Variants in DNAAF19 observed in about 807,000 individuals in gnomAD.
DNAAF19 encodes coiled-coil domain containing 103.
At chr17:44,903,000 T>C in the DNAAF19 span, 1 of 1,428,442 alleles carries the variant, frequency 7.0e-7, no homozygotes, top group Non-Finnish European at 9.1e-7. Context: ...TGTCTCGCTG[T>C]TTTGAACTGT....
the DNAAF19 span, chr17:44,904,621 C>A: frequency 3.2e-6 from 5 of 1,550,572 alleles, no homozygotes; most frequent in Non-Finnish European, 4.4e-6. Flanking sequence ...CCAAAGTGGG[C>A]AGCCGGCCCT....
At chr17:44,901,282 G>A in the DNAAF19 span, 1 of 1,079,974 alleles carries the variant, frequency 9.3e-7, no homozygotes, top group Non-Finnish European at 1.3e-6. Context: ...ACTTCTCTGA[G>A]TCTCAATTAT....
chr17:44,905,083 A>T, the DNAAF19 span: 2 of 1,512,636 alleles, frequency 1.3e-6, no homozygotes, highest in Non-Finnish European at 1.8e-6. Flanking sequence ...AGCTCTCTTC[A>T]GCTCTGAAGA....
chr17:44,904,146 G>C, the DNAAF19 span: 1 of 1,550,332 alleles, frequency 6.5e-7, no homozygotes, highest in Non-Finnish European at 8.7e-7. Flanking sequence ...TTCAGCATCC[G>C]CATGTTCAGC....
At chr17:44,903,543 G>A in the DNAAF19 span, 1 of 1,349,678 alleles carries the variant, frequency 7.4e-7, no homozygotes, top group Non-Finnish European at 9.5e-7. Context: ...ACCCATTCTT[G>A]GGTGAGCGCC....
At chr17:44,904,739 C>G in the DNAAF19 span, 58 of 1,550,442 alleles carry the variant, frequency 3.7e-5, no homozygotes, top group East Asian at 1.4e-3. Context: ...GGACAAAGAC[C>G]GCCAGCACCT....
chr17:44,902,179 G>A, the DNAAF19 span: 2 of 748,738 alleles, frequency 2.7e-6, no homozygotes, highest in African/African-American at 1.7e-5. Flanking sequence ...ATTCCTTGGG[G>A]CCCTCCCTGT....
chr17:44,900,551 A>G, the DNAAF19 span, among the ~76,000 whole-genome samples: 1 of 152,086 alleles, frequency 6.6e-6, no homozygotes, highest in Admixed American at 6.5e-5. Context: ...TGAAGAATGA[A>G]ACTTTATCCC....
At chr17:44,900,430 A>AT in the DNAAF19 span, among the ~76,000 whole-genome samples, 1 of 151,994 alleles carries the variant, frequency 6.6e-6, no homozygotes, top group Non-Finnish European at 1.5e-5. Flanking sequence ...GGACAGAGGG[A>AT]TTTGGGGATG....
chr17:44,903,123 C>T, the DNAAF19 span: 2 of 1,286,420 alleles, frequency 1.6e-6, no homozygotes, highest in Non-Finnish European at 2.0e-6. Flanking sequence ...GTGTGCCCAA[C>T]CAAATGCTGG....
chr17:44,902,493 CCAGA>C, the DNAAF19 span: 5 of 1,614,264 alleles, frequency 3.1e-6, no homozygotes, highest in Non-Finnish European at 4.2e-6. Flanking sequence ...GCTGCCTCTT[CCAGA>C]CAGATGTGGG....
At chr17:44,904,116 G>A in the DNAAF19 span, 1 of 1,550,594 alleles carries the variant, frequency 6.4e-7, no homozygotes, top group Middle Eastern at 1.7e-4. Flanking sequence ...GTACGTGTGG[G>A]CAGCGACATG....
chr17:44,901,423 C>G, the DNAAF19 span: 10 of 1,372,120 alleles, frequency 7.3e-6, no homozygotes, highest in South Asian at 1.2e-4. Context: ...CATATTGGTC[C>G]GTAACAGGTT....
chr17:44,901,425 T>C, the DNAAF19 span: 2 of 1,401,842 alleles, frequency 1.4e-6, no homozygotes, highest in East Asian at 2.3e-5. Flanking sequence ...TATTGGTCCG[T>C]AACAGGTTTA....
At chr17:44,903,673 C>T in the DNAAF19 span, 2 of 1,435,482 alleles carry the variant, frequency 1.4e-6, no homozygotes, top group Non-Finnish European at 1.8e-6. Flanking sequence ...AATTGCCTTG[C>T]ACTTGGCGGC....
At chr17:44,903,540 C>G in the DNAAF19 span, 3 of 1,349,646 alleles carry the variant, frequency 2.2e-6, no homozygotes, top group Non-Finnish European at 2.8e-6. Flanking sequence ...TTGACCCATT[C>G]TTGGGTGAGC....
At chr17:44,900,267 G>A in the DNAAF19 span, among the ~76,000 whole-genome samples, 1 of 136,530 alleles carries the variant, frequency 7.3e-6, no homozygotes, top group Admixed American at 7.8e-5. Flanking sequence ...CTGCACTCCA[G>A]CCTGGGCAAC....
At chr17:44,904,877 G>GT in the DNAAF19 span, 6 of 1,550,666 alleles carry the variant, frequency 3.9e-6, no homozygotes, top group Non-Finnish European at 4.4e-6. Context: ...GAGGCAGGGT[G>GT]TGCTAGTTGC....
the DNAAF19 span, chr17:44,901,125 T>C: frequency 6.2e-7 from 1 of 1,608,216 alleles, no homozygotes; most frequent in Non-Finnish European, 8.5e-7. Flanking sequence ...GAGGGTGGCT[T>C]CCTATGAGGA....
Sources: allele counts gnomAD v4.1 joint callset (sites outside exome capture counted in the v4.1 genomes callset), GRCh38; gene constraint gnomAD v4.1.1; transcripts MANE v1.5; gene names NCBI Gene and HGNC (gene_info 2026-07-23, HGNC 2026-07-21).